Variants in CSMD3 observed in about 807,000 individuals in gnomAD.
CSMD3 encodes CUB and Sushi multiple domains 3.
CSMD3 carries 177 observed loss-of-function variants against 435.2 expected under a neutral mutation model. The observed-to-expected ratio is 0.41, with a 90% CI of 0.36 to 0.46. The LOEUF is 0.46. Among genes scored for constraint, CSMD3 ranks in the 20% least tolerant of loss-of-function variants. The pLI is 0.34. For synonymous variants in CSMD3, 1,656 were observed against 1,520.5 expected (o/e 1.09, Z -2.07); for missense variants, 4,265 against 4,504.6 (o/e 0.95, Z 1.52).
At chr8:112,870,697 T>C (rs969906755) in intron 10 of CSMD3, among the ~76,000 whole-genome samples, 1 of 152,180 alleles carries the variant, frequency 6.6e-6, no homozygotes, top group African/African-American at 2.4e-5. Flanking sequence ...GTTTTTATTC[T>C]GAAAAATCAC....
intron 27 of CSMD3, among the ~76,000 whole-genome samples, chr8:112,534,518 T>G (rs1374804506): frequency 6.6e-6 from 1 of 152,206 alleles, no homozygotes; most frequent in African/African-American, 2.4e-5. Context: ...TTACAGGCTC[T>G]GAAATTGTGG....
At chr8:112,953,262 C>T (rs1341676663) in intron 8 of CSMD3, among the ~76,000 whole-genome samples, 4 of 151,232 alleles carry the variant, frequency 2.6e-5, no homozygotes, top group African/African-American at 9.7e-5. Flanking sequence ...TCATGATGAC[C>T]TGAAGAAATT....
intron 5 of CSMD3, among the ~76,000 whole-genome samples, chr8:113,043,991 G>T (rs2087727850): frequency 6.6e-6 from 1 of 151,964 alleles, no homozygotes; most frequent in African/African-American, 2.4e-5. Context: ...ATAATTATAT[G>T]AATTCACTCA....
intron 30 of CSMD3, 73 bp from the exon 31 acceptor site, chr8:112,492,756 A>T (rs1203409558): frequency 2.2e-5 from 26 of 1,206,230 alleles, no homozygotes; most frequent in Non-Finnish European, 2.8e-5. Flanking sequence ...TGGGTTCTGC[A>T]TCTGTGGATT....
At chr8:112,382,531 T>C (rs1290220680) in intron 37 of CSMD3, among the ~76,000 whole-genome samples, 1 of 152,180 alleles carries the variant, frequency 6.6e-6, no homozygotes, top group Non-Finnish European at 1.5e-5. Context: ...GCCATTCAAA[T>C]TTATTTCAGC....
chr8:112,701,134 T>TATAA (rs1322012680), intron 13 of CSMD3, among the ~76,000 whole-genome samples: 1 of 152,162 alleles, frequency 6.6e-6, no homozygotes, highest in East Asian at 1.9e-4. Flanking sequence ...TAATCTTTGC[T>TATAA]TCAACTATGT....
chr8:112,242,191 AG>A (rs1814236586), intron 65 of CSMD3, among the ~76,000 whole-genome samples: 1 of 152,094 alleles, frequency 6.6e-6, no homozygotes, highest in Non-Finnish European at 1.5e-5. Flanking sequence ...TAAAAATCAA[AG>A]TTTGTTGAGA....
chr8:113,018,945 A>AT (rs1209075953), intron 6 of CSMD3, 122 bp downstream of exon 6: 5 of 737,260 alleles, frequency 6.8e-6, no homozygotes, highest in African/African-American at 1.7e-5. Context: ...CAGCATGACC[A>AT]TTTTTTTCAA....
At chr8:112,768,729 C>T (rs1449110940) in intron 13 of CSMD3, among the ~76,000 whole-genome samples, 1 of 151,814 alleles carries the variant, frequency 6.6e-6, no homozygotes, top group Non-Finnish European at 1.5e-5. Flanking sequence ...CAAAACAAAA[C>T]AAAACAAAAT....
intron 13 of CSMD3, among the ~76,000 whole-genome samples, chr8:112,793,949 A>G (rs879578595): frequency 2.0e-5 from 3 of 152,144 alleles, no homozygotes; most frequent in Non-Finnish European, 4.4e-5. Flanking sequence ...AGACATAACA[A>G]ATGTGTTTAT....
intron 28 of CSMD3, among the ~76,000 whole-genome samples, chr8:112,512,957 A>G (rs566509418): frequency 1.3e-5 from 2 of 152,238 alleles, no homozygotes; most frequent in Admixed American, 1.3e-4. Context: ...AAATCAACCT[A>G]TGCAAGCTTC....
intron 6 of CSMD3, among the ~76,000 whole-genome samples, chr8:113,009,923 T>C (rs558543727): frequency 2.2e-4 from 33 of 151,906 alleles, no homozygotes. Context: ...TTTGTTTCAC[T>C]AGTATACATA....
At chr8:112,544,559 A>C (rs550782760) in intron 27 of CSMD3, among the ~76,000 whole-genome samples, 1 of 152,324 alleles carries the variant, frequency 6.6e-6, no homozygotes, top group South Asian at 2.1e-4. Flanking sequence ...TCACTTATCT[A>C]AATAAGTTTT....
At chr8:112,803,056 A>G (rs1405779362) in intron 12 of CSMD3, among the ~76,000 whole-genome samples, 2 of 151,904 alleles carry the variant, frequency 1.3e-5, no homozygotes, top group Admixed American at 6.6e-5. Context: ...TGATTCTTTG[A>G]CCTCATCCCC....
At chr8:113,359,799 C>T (rs756564278) in intron 1 of CSMD3, among the ~76,000 whole-genome samples, 2 of 152,158 alleles carry the variant, frequency 1.3e-5, no homozygotes, top group Non-Finnish European at 2.9e-5. Context: ...CTGAGGCTTG[C>T]TAGATGTAAT....
intron 32 of CSMD3, among the ~76,000 whole-genome samples, chr8:112,459,379 A>G (rs1817209533): frequency 6.7e-6 from 1 of 149,166 alleles, no homozygotes; most frequent in Non-Finnish European, 1.5e-5. Context: ...GGTTTATTCA[A>G]TTATGTTTAC....
intron 27 of CSMD3, chr8:112,538,987 G>T (rs1212866889): frequency 6.5e-6 from 1 of 152,740 alleles, no homozygotes; most frequent in East Asian, 1.9e-4. Context: ...TATCTCAGAT[G>T]AACATAGATG....
At chr8:112,949,096 G>A (rs1314629147) in intron 8 of CSMD3, among the ~76,000 whole-genome samples, 1 of 151,790 alleles carries the variant, frequency 6.6e-6, no homozygotes, top group Non-Finnish European at 1.5e-5. Flanking sequence ...TGACTCTCAA[G>A]GTAATTCTAA....
At chr8:112,687,480 C>T (rs773393533) in intron 14 of CSMD3, among the ~76,000 whole-genome samples, 3 of 151,938 alleles carry the variant, frequency 2.0e-5, no homozygotes, top group Non-Finnish European at 4.4e-5. Context: ...AATAATTGTT[C>T]GCATTTCTTA....
Sources: allele counts gnomAD v4.1 joint callset (sites outside exome capture counted in the v4.1 genomes callset), GRCh38; gene constraint gnomAD v4.1.1; transcripts MANE v1.5; gene names NCBI Gene and HGNC (gene_info 2026-07-23, HGNC 2026-07-21).